Variants in PRIM2 observed in about 807,000 individuals in gnomAD.
The protein encoded by PRIM2 is DNA primase large subunit.
A neutral mutation model predicts 67.3 loss-of-function variants in PRIM2; 39 were observed. The observed-to-expected ratio is 0.58, with a 90% CI of 0.45 to 0.76. The LOEUF (loss-of-function observed/expected upper bound fraction) is 0.76, where lower values mean the gene tolerates loss of function less well. Ranked by LOEUF, PRIM2 falls within the 30% of genes least tolerant of loss-of-function variation. PRIM2 has a pLI of 0.00. For synonymous variants in PRIM2, 143 were observed against 198.7 expected (o/e 0.72, Z 2.36); for missense variants, 398 against 598.7 (o/e 0.66, Z 3.50).
intron 7 of PRIM2, among the ~76,000 whole-genome samples, chr6:57,463,825 G>T (rs1361652254): frequency 6.6e-6 from 1 of 152,146 alleles, no homozygotes; most frequent in Non-Finnish European, 1.5e-5. Flanking sequence ...GCTGGTTAAA[G>T]AAATGTGGCC....
At chr6:57,227,985 G>A in the PRIM2 span, among the ~76,000 whole-genome samples, 1 of 152,170 alleles carries the variant, frequency 6.6e-6, no homozygotes, top group Non-Finnish European at 1.5e-5. Flanking sequence ...ATCAGTAATT[G>A]AGGTTTTGTG....
intron 7 of PRIM2, among the ~76,000 whole-genome samples, chr6:57,453,685 G>A (rs1772643641): frequency 6.6e-6 from 1 of 152,086 alleles, no homozygotes; most frequent in African/African-American, 2.4e-5. Context: ...GGAGATTTTG[G>A]GCTGAGACAA....
chr6:57,425,857 T>C (rs1466150626), intron 7 of PRIM2, among the ~76,000 whole-genome samples: 4 of 152,096 alleles, frequency 2.6e-5, no homozygotes, highest in Admixed American at 2.0e-4. Flanking sequence ...AGTTAAAGTA[T>C]GGTAAAAATA....
At chr6:57,239,789 C>CTT in the PRIM2 span, among the ~76,000 whole-genome samples, 2 of 152,096 alleles carry the variant, frequency 1.3e-5, no homozygotes, top group Non-Finnish European at 2.9e-5. Context: ...GGAGCCCTCC[C>CTT]TTAAGTGCCT....
At chr6:57,527,040 C>G (rs1371856335) in intron 8 of PRIM2, among the ~76,000 whole-genome samples, 1 of 152,188 alleles carries the variant, frequency 6.6e-6, no homozygotes, top group Non-Finnish European at 1.5e-5. Flanking sequence ...TCCTTTAGAA[C>G]CATCTTTTGG....
chr6:57,587,712 T>G (rs1282418588), intron 10 of PRIM2, among the ~76,000 whole-genome samples: 4 of 118,936 alleles, frequency 3.4e-5, no homozygotes, highest in Non-Finnish European at 7.0e-5. Flanking sequence ...CACAAATGAA[T>G]CACCATGAAA....
At chr6:57,554,526 T>C (rs1309559365) in intron 10 of PRIM2, among the ~76,000 whole-genome samples, 4 of 152,164 alleles carry the variant, frequency 2.6e-5, no homozygotes, top group Non-Finnish European at 4.4e-5. Context: ...GGCCCAGCCC[T>C]GTGTTAATCC....
intron 7 of PRIM2, among the ~76,000 whole-genome samples, chr6:57,434,219 G>A (rs573775617): frequency 5.7e-5 from 7 of 123,558 alleles, no homozygotes; most frequent in Non-Finnish European, 9.0e-5. Context: ...GCCACCATGC[G>A]CAGACTTCCT....
chr6:57,353,788 C>T (rs2224386), intron 5 of PRIM2, among the ~76,000 whole-genome samples: 26 of 152,200 alleles, frequency 1.7e-4, no homozygotes, highest in East Asian at 7.7e-4. Context: ...GTTTAATAGA[C>T]GTTAGAAATG....
At chr6:57,417,689 A>G (rs1413766733) in intron 7 of PRIM2, among the ~76,000 whole-genome samples, 1 of 152,242 alleles carries the variant, frequency 6.6e-6, no homozygotes, top group Non-Finnish European at 1.5e-5. Context: ...CACTGATCAT[A>G]GATCACCATA....
intron 8 of PRIM2, among the ~76,000 whole-genome samples, chr6:57,523,884 A>C (rs2127465160): frequency 6.6e-6 from 1 of 152,190 alleles, no homozygotes; most frequent in African/African-American, 2.4e-5. Flanking sequence ...ACAGGACTTA[A>C]ATTTCTGTTG....
intron 10 of PRIM2, among the ~76,000 whole-genome samples, chr6:57,590,031 G>A (rs1257906019): frequency 1.3e-5 from 2 of 152,150 alleles, no homozygotes; most frequent in Non-Finnish European, 2.9e-5. Context: ...TTGACGCAGT[G>A]AGCCCCAGAA....
chr6:57,316,633 C>G (rs921470864), upstream of PRIM2, among the ~76,000 whole-genome samples: 5 of 152,350 alleles, frequency 3.3e-5, no homozygotes, highest in South Asian at 1.0e-3. Flanking sequence ...CTCCTAAGGA[C>G]TACCTATACC....
chr6:57,539,855 G>A (rs1434684332), intron 10 of PRIM2, among the ~76,000 whole-genome samples: 73 of 152,032 alleles, frequency 4.8e-4, no homozygotes, highest in African/African-American at 1.7e-3. Context: ...TTAACTGGGC[G>A]TGGTGGCAGG....
chr6:57,435,360 A>G (rs929687673), intron 7 of PRIM2, among the ~76,000 whole-genome samples: 3 of 152,116 alleles, frequency 2.0e-5, no homozygotes, highest in Non-Finnish European at 4.4e-5. Context: ...TCTGAACTGT[A>G]TGACCAGTCC....
At chr6:57,457,343 A>T (rs1302608942) in intron 7 of PRIM2, among the ~76,000 whole-genome samples, 18 of 152,354 alleles carry the variant, frequency 1.2e-4, no homozygotes, top group African/African-American at 4.3e-4. Flanking sequence ...AAGTCTGCAG[A>T]GGATTCTGCT....
chr6:57,606,791 T>C (rs1326340722), intron 12 of PRIM2, among the ~76,000 whole-genome samples: 1 of 152,236 alleles, frequency 6.6e-6, no homozygotes, highest in Non-Finnish European at 1.5e-5. Flanking sequence ...AGCTTATTAA[T>C]GAAGCCGAAA....
intron 5 of PRIM2, among the ~76,000 whole-genome samples, chr6:57,354,286 A>G (rs558336595): frequency 5.9e-5 from 9 of 152,060 alleles, no homozygotes; most frequent in South Asian, 2.1e-4. Flanking sequence ...TAGTTTGGGT[A>G]AAGTTGACCT....
chr6:57,271,353 G>T, the PRIM2 span, among the ~76,000 whole-genome samples: 2 of 152,236 alleles, frequency 1.3e-5, no homozygotes, highest in African/African-American at 4.8e-5. Context: ...TGGTTTAGTC[G>T]TGGGAGGGTG....
Sources: allele counts gnomAD v4.1 joint callset (sites outside exome capture counted in the v4.1 genomes callset), GRCh38; gene constraint gnomAD v4.1.1; transcripts MANE v1.5; gene names NCBI Gene and HGNC (gene_info 2026-07-23, HGNC 2026-07-21).